Variants in MED27 observed in about 807,000 individuals in gnomAD.
MED27 encodes the protein mediator of RNA polymerase II transcription subunit 27.
Under a neutral mutation model 38.2 loss-of-function variants are expected in MED27, and 30 were observed. The observed-to-expected ratio is 0.79, with a 90% CI of 0.59 to 1.07. The LOEUF (loss-of-function observed/expected upper bound fraction) is 1.07. MED27 is among the 50% of genes least tolerant of loss of function. The probability of loss-of-function intolerance (pLI) is 0.00; values close to 1 mark genes in which losing one functional copy is unlikely to be tolerated. For missense variants in MED27, 289 were observed against 397.5 expected (o/e 0.73, Z 2.32); for synonymous variants, 122 against 153.5 (o/e 0.79, Z 1.52).
intron 3 of MED27, among the ~76,000 whole-genome samples, chr9:131,965,489 T>C (rs1022867482): frequency 6.6e-6 from 1 of 152,234 alleles, no homozygotes; most frequent in African/African-American, 2.4e-5. Flanking sequence ...TCAATTTATT[T>C]ATTTCAAATC....
At chr9:132,017,273 G>A (rs1229842757) in intron 2 of MED27, among the ~76,000 whole-genome samples, 1 of 152,138 alleles carries the variant, frequency 6.6e-6, no homozygotes. Flanking sequence ...CCTGGAAAAT[G>A]TTCACTCAGC....
chr9:131,932,617 G>A lies in MED27; in HGVS notation c.573+6764C>T, dbSNP rs1166865525. Among the ~76,000 whole-genome samples, 3 of 151,650 alleles carry A rather than the reference G, an allele frequency of 2.0e-5. No individual in the cohort carries two copies. The East Asian group carries it at 5.8e-4, about 29-fold the overall frequency. ...AATATCAAGTAATGACATTGATGCA[G>A]TAATAAAAAAGTCTCCCAGTAAAGA... On this transcript the variant is annotated intron_variant, in intron 4 of 7. Transcript: ENST00000292035.
At chr9:132,050,583 C>A (rs777809956) in intron 2 of MED27, among the ~76,000 whole-genome samples, 2 of 152,206 alleles carry the variant, frequency 1.3e-5, no homozygotes, top group African/African-American at 2.4e-5. Context: ...ATATCAAGAG[C>A]CCCTTTTGTG....
chr9:131,928,507 T>TTCC (rs964523320), intron 4 of MED27, among the ~76,000 whole-genome samples: 14 of 152,350 alleles, frequency 9.2e-5, no homozygotes, highest in Admixed American at 3.9e-4. Context: ...CTCCTCCTCC[T>TTCC]TCCTCCAGCA....
chr9:131,957,710 A>C (rs1831132940), intron 3 of MED27, among the ~76,000 whole-genome samples: 1 of 152,186 alleles, frequency 6.6e-6, no homozygotes, highest in African/African-American at 2.4e-5. Context: ...AACTTGAATG[A>C]ATCTTGAGAA....
intron 3 of MED27, among the ~76,000 whole-genome samples, chr9:131,976,090 A>T (rs1024734444): frequency 1.3e-5 from 2 of 152,232 alleles, no homozygotes; most frequent in African/African-American, 4.8e-5. Context: ...AAGGACTGAC[A>T]GAGGCAACAA....
intron 6 of MED27, among the ~76,000 whole-genome samples, chr9:131,864,544 A>G (rs1464744854): frequency 6.6e-6 from 1 of 152,258 alleles, no homozygotes; most frequent in Non-Finnish European, 1.5e-5. Flanking sequence ...GAAAATCCTT[A>G]GCTTTGAGAA....
chr9:131,908,834 C>A (rs1262848481), intron 4 of MED27, among the ~76,000 whole-genome samples: 1 of 150,906 alleles, frequency 6.6e-6, no homozygotes, highest in Non-Finnish European at 1.5e-5. Flanking sequence ...TATGACACTG[C>A]CAAATCCCCC....
chr9:131,873,886 C>T (rs752923707), intron 6 of MED27, among the ~76,000 whole-genome samples: 2 of 152,206 alleles, frequency 1.3e-5, no homozygotes, highest in Non-Finnish European at 2.9e-5. Flanking sequence ...GGGGTTCCAA[C>T]CTTATCCTCT....
At chr9:131,980,136 T>C (rs1564310226) in intron 3 of MED27, among the ~76,000 whole-genome samples, 1 of 146,266 alleles carries the variant, frequency 6.8e-6, no homozygotes, top group Non-Finnish European at 1.5e-5. Flanking sequence ...TATATTATAG[T>C]GCCACATACA....
chr9:131,885,633 G>C (rs137971444), intron 5 of MED27, among the ~76,000 whole-genome samples: 219 of 152,138 alleles, frequency 1.4e-3, no homozygotes, highest in African/African-American at 5.0e-3. Context: ...TCACACACAG[G>C]GTACTTCAGT....
intron 6 of MED27, among the ~76,000 whole-genome samples, chr9:131,875,238 T>C (rs1340463591): frequency 6.6e-6 from 1 of 151,982 alleles, no homozygotes; most frequent in East Asian, 1.9e-4. Context: ...AGGGCACTGC[T>C]GCGCGGCTGT....
intron 2 of MED27, among the ~76,000 whole-genome samples, chr9:132,039,567 G>A (rs1833162195): frequency 6.6e-6 from 1 of 152,176 alleles, no homozygotes; most frequent in South Asian, 2.1e-4. Flanking sequence ...TCTCACAAGT[G>A]GCCACTGAGC....
At chr9:132,038,188 CTTTTTT>C (rs144353393) in intron 2 of MED27, among the ~76,000 whole-genome samples, 10 of 125,720 alleles carry the variant, frequency 8.0e-5, no homozygotes, top group Admixed American at 2.4e-4. Context: ...AGGCATCCTT[CTTTTTT>C]TTTTTTTTTT....
rs938279605 is a variant in MED27, at chr9:132,042,571, A to G, written c.349-28104T>C. On this transcript the variant is annotated intron_variant, in intron 2 of 7. Coordinates refer to ENST00000292035, the MANE Select transcript of MED27 (RefSeq NM_004269.4). ...CCACAGTCTAGTGGCCACAATCTGC[A>G]TTCACCGTGAGTCAGCACTGAAGGA... Among the ~76,000 whole-genome samples, 5 of 152,296 alleles carry G rather than the reference A, an allele frequency of 3.3e-5. 1 individual carries two copies. The highest frequency in any genetic ancestry group is 3.3e-4 in the Admixed American group (5 of 15,300).
chr9:131,901,863 C>T (rs957994033), intron 4 of MED27, among the ~76,000 whole-genome samples: 1 of 152,170 alleles, frequency 6.6e-6, no homozygotes, highest in East Asian at 1.9e-4. Flanking sequence ...CGGGATTCAG[C>T]CCAGGCAGTT....
chr9:131,863,227 A>C, intron 6 of MED27, 87 bp from the exon 7 acceptor site: 2 of 1,051,934 alleles, frequency 1.9e-6, no homozygotes, highest in Non-Finnish European at 2.9e-6. Context: ...CTTCTGTGTG[A>C]AAACAGATCT....
chr9:132,054,661 C>T (rs1338209220), intron 2 of MED27, among the ~76,000 whole-genome samples: 6 of 152,100 alleles, frequency 3.9e-5, no homozygotes, highest in Admixed American at 2.0e-4. Flanking sequence ...CCACTCGCCT[C>T]GGCCTCCCAA....
chr9:131,946,560 T>C (rs1046403388), intron 3 of MED27, among the ~76,000 whole-genome samples: 15 of 152,180 alleles, frequency 9.9e-5, no homozygotes, highest in Non-Finnish European at 1.8e-4. Context: ...TTTACACCCA[T>C]GCTCCTTGTT....
Sources: gnomAD v4.1 joint callset for allele counts (sites outside exome capture counted in the v4.1 genomes callset) on GRCh38, gnomAD v4.1.1 for gene constraint, MANE v1.5 for transcripts, NCBI Gene and HGNC (gene_info 2026-07-23, HGNC 2026-07-21) for gene names.